The following RDH5 variants were observed in gnomAD, a reference collection of about 807,000 sequenced individuals.
RDH5 encodes the protein 11-cis RDH.
A neutral mutation model predicts 24.0 loss-of-function variants in RDH5; 25 were observed. That is an observed-to-expected ratio of 1.04 (90% CI 0.76 to 1.46). The LOEUF is 1.46. Among genes scored for constraint, RDH5 ranks in the 40% most tolerant of loss-of-function variants. The probability of loss-of-function intolerance (pLI) is 0.00; values close to 1 mark genes in which losing one functional copy is unlikely to be tolerated. For missense variants in RDH5, 369 were observed against 410.3 expected (o/e 0.90, Z 0.87); for synonymous variants, 170 against 175.2 (o/e 0.97, Z 0.23).
rs1374040634 is a variant in RDH5 at position 55,723,948 on chromosome 12, C to T, written c.632C>T (p.Pro211Leu). 2.5e-6 allele frequency: 4 copies of T among 1,614,016 alleles called. No individual in the cohort carries two copies. The highest frequency in any genetic ancestry group is 3.4e-6 in the Non-Finnish European group (4 of 1,180,040). ...GTGGAGCCTGGCTTCTTCCGAACCC[C>T]TGTGACCAACCTGGAGAGTCTGGAG... ...SIVEPGFFRT[P>L]VTNLESLEKT... The change falls in exon 4 of 5, where the codon CCT becomes CTT. Residue 211 changes from proline (P) to leucine (L), a missense_variant. Pro to Leu is a moderately conservative substitution (Grantham distance 98, BLOSUM62 -3). Transcript: ENST00000257895.
chr12:55,720,835 G>GAT, intron 1 of RDH5: 1 of 262,588 alleles, frequency 3.8e-6, no homozygotes, highest in Non-Finnish European at 7.0e-6. Context: ...CAAGCAAGAA[G>GAT]ATGCCTCTGC....
chr12:55,721,831 G>A lies in RDH5; in HGVS notation c.453G>A (p.Leu151=). 1 of 1,614,024 alleles carries A rather than the reference G, an allele frequency of 6.2e-7. No homozygotes were observed. The highest frequency in any genetic ancestry group is 8.5e-7 in the Non-Finnish European group (1 of 1,180,012). ...TCACCCTTGCCCTGCTGCCTCTGCT[G>A]CAGCAAGCCCGGGGCCGGGTGATCA... ...IGVTLALLPL[L]QQARGRVINI... Residue 151 remains leucine, a synonymous_variant, in exon 3 of 5, where the codon CTG becomes CTA. Transcript: ENST00000257895. This position sits in a 1 kb window ranked among gnomAD's most constrained non-coding sequence, Gnocchi z 4.7.
Position 55,721,769 on chromosome 12 carries a change from C to T in RDH5, c.391C>T (p.Arg131Trp), listed in dbSNP as rs762360614. ...ATGGCTGACCCGGGACGATTTCCAG[C>T]GGGTGCTGAATGTGAACACAATGGG... ...TPWLTRDDFQ[R>W]VLNVNTMGPI... The change falls in exon 3 of 5, where the codon CGG (arginine) becomes TGG (tryptophan). Residue 131 changes from arginine (R) to tryptophan (W), a missense_variant. By Grantham distance (101) the Arg-to-Trp change is moderately radical. Coordinates refer to ENST00000257895, the MANE Select transcript of RDH5 (RefSeq NM_002905.5). The surrounding 1 kb of genome is among the most constrained non-coding windows in gnomAD (Gnocchi z 4.7). The T allele has an allele frequency of 7.4e-6, 12 of 1,613,834 alleles. No homozygotes were observed. Among genetic ancestry groups the T allele is most frequent in the East Asian group, 4.5e-5 (2 of 44,880 alleles).
chr12:55,720,946 TG>T, intron 1 of RDH5, among the ~76,000 whole-genome samples: 1 of 151,420 alleles, frequency 6.6e-6, no homozygotes, highest in African/African-American at 2.4e-5. Context: ...ACACAGGATC[TG>T]GCTCATGTGG....
At chr12:55,722,026 T>C in intron 3 of RDH5, 79 bp downstream of exon 3, 1 of 1,444,854 alleles carries the variant, frequency 6.9e-7, no homozygotes, top group Non-Finnish European at 9.5e-7. Context: ...GTGGTTAAGA[T>C]ACAGCACATT....
rs778690681 is a variant in RDH5 at position 55,723,995 on chromosome 12, G to A, written c.679G>A (p.Ala227Thr). Residue 227 changes from alanine (A) to threonine (T), a missense_variant, in exon 4 of 5, where the codon GCA becomes ACA. Transcript: ENST00000257895. ...GGAGAAAACCCTGCAGGCCTGCTGG[G>A]CACGGCTGCCTCCTGCCACACAGGC... The part of the protein sequence containing the change: ...SLEKTLQACW[A>T]RLPPATQAHY... 1 of 1,613,498 alleles carries A rather than the reference G, an allele frequency of 6.2e-7. No homozygotes were observed. Among genetic ancestry groups the A allele is most frequent in the South Asian group, 1.1e-5 (1 of 91,086 alleles).
At position 55,721,407 on chromosome 12, in the gene RDH5, C is replaced by T. The variant is rs144321355; in HGVS notation, c.223C>T (p.Arg75Cys). 9.9e-6 allele frequency: 16 copies of T among 1,613,824 alleles called. No individual in the cohort carries two copies. Among genetic ancestry groups the T allele is most frequent in the Middle Eastern group, 1.6e-4 (1 of 6,062 alleles). The change falls in exon 2 of 5, where the codon CGC becomes TGC. Residue 75 changes from arginine to cysteine, a missense_variant. Physicochemically the swap from Arg to Cys is radical, Grantham distance 180 (BLOSUM62 -3). Transcript: ENST00000257895. This position sits in a 1 kb window ranked among gnomAD's most constrained non-coding sequence, Gnocchi z 4.7. ...AEDLQRVASS[R>C]LHTTLLDITD... is the part of the protein sequence containing the mutation. ...GGACCTGCAGCGGGTGGCCTCCTCC[C>T]GCCTCCACACCACCCTGTTGGATAT...
chr12:55,724,220 G>A, intron 4 of RDH5, 102 bp from the exon 5 acceptor site: 1 of 1,457,318 alleles, frequency 6.9e-7, no homozygotes, highest in Non-Finnish European at 9.5e-7. Flanking sequence ...CCCACACTGA[G>A]GAGGGGACTG....
intron 1 of RDH5, chr12:55,720,905 AAG>A: frequency 2.3e-5 from 8 of 354,820 alleles, no homozygotes; most frequent in South Asian, 2.0e-4. Flanking sequence ...AAAAAAAAAA[AAG>A]ATGCCTCTGC....
chr12:55,722,416 G>A lies in RDH5; in HGVS notation c.569+469G>A, dbSNP rs916547525. The A allele has an allele frequency of 3.1e-4, 50 of 162,600 alleles. 3 individuals are homozygous for A. Among genetic ancestry groups the A allele is most frequent in the Non-Finnish European group, 1.4e-5 (1 of 73,832 alleles). 10.1% of individuals were successfully genotyped at this position (162,600 alleles called of 1,614,324 possible). ...GCCCACCTCAGCCTCCCAAAGTGCT[G>A]GGATTACAGGTGTGAGCCACCACGC... On this transcript the variant is annotated intron_variant, in intron 3 of 4. Transcript: ENST00000257895.
Position 55,721,277 on chromosome 12 carries a change from CT to C in RDH5, c.95del (p.Phe32SerfsTer29), listed in dbSNP as rs761856367. ...QSLPASNAFV[F>X]ITGCDSGFGR... ...GCCTGCCCGCCAGCAATGCCTTTGTCTTCATCACCGGCTGTGACTCAGGCTT... is the reference window on the plus strand; with the variant it reads ...GCCTGCCCGCCAGCAATGCCTTTGTCTCATCACCGGCTGTGACTCAGGCTT... On this transcript the variant is annotated frameshift_variant, in exon 2 of 5. Coordinates refer to ENST00000257895, the MANE Select transcript of RDH5 (RefSeq NM_002905.5). LOFTEE classifies it high-confidence loss of function. This position sits in a 1 kb window ranked among gnomAD's most constrained non-coding sequence, Gnocchi z 4.7. 9.9e-6 allele frequency: 16 copies of C among 1,614,012 alleles called. No homozygotes were observed. Among genetic ancestry groups the C allele is most frequent in the Non-Finnish European group, 1.3e-5 (15 of 1,180,040 alleles).
intron 4 of RDH5, 56 bp downstream of exon 4, chr12:55,724,105 C>T: frequency 6.3e-7 from 1 of 1,581,084 alleles, no homozygotes; most frequent in Non-Finnish European, 8.6e-7. Context: ...CCAGAAAGGC[C>T]AGTCCTGCAT....
In RDH5 at chr12:55,724,381, A is replaced by G. The variant is rs771063598; in HGVS notation, c.793A>G (p.Ser265Gly). Residue 265 changes from serine to glycine, a missense_variant, in exon 5 of 5, where the codon AGC becomes GGC. Transcript: ENST00000257895. ...CTGTGACCCGGACCTAACCAAGGTG[A>G]GCCGATGCCTGGAGCATGCCCTGAC... The part of the protein sequence containing the change: ...LICDPDLTKV[S>G]RCLEHALTAR... The G allele has an allele frequency of 1.6e-5, 26 of 1,614,194 alleles. No individual in the cohort carries two copies. Among genetic ancestry groups the G allele is most frequent in the Non-Finnish European group, 2.2e-5 (26 of 1,180,026 alleles).
At chr12:55,723,730 C>T in intron 3 of RDH5, 156 bp from the exon 4 acceptor site, 1 of 805,036 alleles carries the variant, frequency 1.2e-6, no homozygotes, top group Non-Finnish European at 2.1e-6. Context: ...TTTCCTCCCT[C>T]TACCCCACTT....
chr12:55,721,905 G>T lies in RDH5; in HGVS notation c.527G>T (p.Cys176Phe), dbSNP rs757300647. ...GRLAANGGGY[C>F]VSKFGLEAFS... Reference sequence around the variant, plus strand: ...CTGGCAGCCAATGGTGGGGGCTACTGTGTCTCCAAATTTGGCCTGGAGGCC... The same window carrying T: ...CTGGCAGCCAATGGTGGGGGCTACTTTGTCTCCAAATTTGGCCTGGAGGCC... Residue 176 changes from cysteine to phenylalanine, a missense_variant, in exon 3 of 5, where the codon TGT becomes TTT. Transcript: ENST00000257895. This position sits in a 1 kb window ranked among gnomAD's most constrained non-coding sequence, Gnocchi z 4.7. 6.2e-7 allele frequency: 1 copy of T among 1,613,604 alleles called. No homozygotes were observed. Among genetic ancestry groups the T allele is most frequent in the Non-Finnish European group, 8.5e-7 (1 of 1,179,772 alleles).
chr12:55,722,764 C>T (rs1876988943), intron 3 of RDH5: 1 of 151,500 alleles, frequency 6.6e-6, no homozygotes, highest in South Asian at 2.1e-4. Context: ...TTTTGAACTC[C>T]TGACCTCAGG....
chr12:55,724,119 C>T (rs1877078344), intron 4 of RDH5, 70 bp downstream of exon 4: 2 of 1,557,740 alleles, frequency 1.3e-6, no homozygotes, highest in Non-Finnish European at 8.7e-7. Flanking sequence ...CCTGCATAAG[C>T]CTGCTAGGAG....
At position 55,721,864 on chromosome 12, in the gene RDH5, C is replaced by T. The variant is rs766764820; in HGVS notation, c.486C>T (p.Thr162=). Residue 162 remains threonine (T), a synonymous_variant, in exon 3 of 5, where the codon ACC becomes ACT. Coordinates refer to ENST00000257895, the MANE Select transcript of RDH5 (RefSeq NM_002905.5). The surrounding 1 kb of genome is among the most constrained non-coding windows in gnomAD (Gnocchi z 4.7). ...QQARGRVINI[T]SVLGRLAANG... is the part of the protein sequence containing the mutation. ...CCCGGGGCCGGGTGATCAACATCAC[C>T]AGCGTCCTGGGTCGCCTGGCAGCCA... 1.2e-6 allele frequency: 2 copies of T among 1,614,042 alleles called. No homozygotes were observed. The highest frequency in any genetic ancestry group is 1.7e-6 in the Non-Finnish European group (2 of 1,180,024).
intron 3 of RDH5, chr12:55,722,263 C>CCTCA: frequency 3.6e-6 from 1 of 276,270 alleles, no homozygotes; most frequent in Non-Finnish European, 7.0e-6. Flanking sequence ...GATTCTCCTG[C>CCTCA]CTCAGCCTCC....
Sources: gnomAD v4.1 joint callset for allele counts (sites outside exome capture counted in the v4.1 genomes callset) on GRCh38, gnomAD v4.1.1 for gene constraint, Gnocchi (gnomAD v3.1) non-coding constraint, MANE v1.5 for transcripts, NCBI Gene and HGNC (gene_info 2026-07-23, HGNC 2026-07-21) for gene names.